USP34: variants seen among roughly 807,000 people sequenced by gnomAD.
USP34 encodes ubiquitin specific peptidase 34, also known as ubiquitin carboxyl-terminal hydrolase 34.
In USP34, 70 loss-of-function variants were observed where a neutral mutation model predicts 460.3. The ratio of observed to expected loss-of-function variants is 0.15; its 90% CI spans 0.13 to 0.19. USP34 has a LOEUF of 0.19. Ranked by LOEUF, USP34 falls within the 10% of genes least tolerant of loss-of-function variation. USP34 has a pLI of 1.00. For missense variants in USP34, 3,985 were observed against 4,236.2 expected (o/e 0.94, Z 1.65); for synonymous variants, 1,647 against 1,405.3 (o/e 1.17, Z -3.85).
intron 18 of USP34, among the ~76,000 whole-genome samples, chr2:61,337,039 C>G (rs1356292280): frequency 6.6e-6 from 1 of 151,978 alleles, no homozygotes; most frequent in Admixed American, 6.6e-5. Context: ...GTATAATAAA[C>G]ATACATACAA....
chr2:61,289,013 G>C, intron 33 of USP34, 136 bp from the exon 34 acceptor site: 2 of 861,582 alleles, frequency 2.3e-6, no homozygotes, highest in Non-Finnish European at 3.5e-6. Context: ...AAATTCTGCT[G>C]CTCAAATATT....
chr2:61,269,977 G>C (rs552327746), intron 41 of USP34, among the ~76,000 whole-genome samples: 1 of 152,146 alleles, frequency 6.6e-6, no homozygotes, highest in Non-Finnish European at 1.5e-5. Flanking sequence ...TTTAACAATA[G>C]TCATCCTACT....
In USP34 at chr2:61,335,018, G is replaced by A. The variant is rs1016514854; in HGVS notation, c.2745-1047C>T. ...TTTTAAGTGCTATAATGACCAGACA[G>A]AGTCAAAGTCATCCCAAAGCACTAA... On this transcript the variant is annotated intron_variant, in intron 18 of 79. Transcript: ENST00000398571. Among the ~76,000 whole-genome samples the A allele has an allele frequency of 4.6e-5, 7 of 151,780 alleles. No homozygotes were observed. The East Asian group carries it at 1.3e-3, about 29-fold the overall frequency.
At position 61,321,095 on chromosome 2, in the gene USP34, G is replaced by A. The variant is rs141046060; in HGVS notation, c.3014-1768C>T. Among the ~76,000 whole-genome samples the A allele has an allele frequency of 1.2e-4, 19 of 152,098 alleles. No individual in the cohort carries two copies. The East Asian group carries it at 3.1e-3, about 25-fold the overall frequency. On this transcript the variant is annotated intron_variant, in intron 21 of 79. Transcript: ENST00000398571. ...GGAGGCTGAGGTGGGAAGGCTCTTCGAGCCCAGGAGTTCAAGGCTGCCCTG... is the reference window on the plus strand; with the variant it reads ...GGAGGCTGAGGTGGGAAGGCTCTTCAAGCCCAGGAGTTCAAGGCTGCCCTG...
At chr2:61,371,073 A>T (rs1376196085) in intron 8 of USP34, among the ~76,000 whole-genome samples, 1 of 152,210 alleles carries the variant, frequency 6.6e-6, no homozygotes, top group Non-Finnish European at 1.5e-5. Flanking sequence ...GAAGTAACAG[A>T]CAGTCATGTA....
At chr2:61,214,002 A>T in intron 68 of USP34, 58 bp downstream of exon 68, 1 of 1,595,262 alleles carries the variant, frequency 6.3e-7, no homozygotes, top group Non-Finnish European at 8.5e-7. Flanking sequence ...ACCAGGGGAA[A>T]AACAGGTATT....
chr2:61,336,801 C>T (rs1474975274), intron 18 of USP34, among the ~76,000 whole-genome samples: 3 of 115,978 alleles, frequency 2.6e-5, no homozygotes, highest in African/African-American at 1.0e-4. Context: ...CTGACTGAGA[C>T]TCCATCTCAA....
In USP34 at chr2:61,405,747, T is replaced by C. The variant is rs562734925; in HGVS notation, c.513A>G (p.Leu171=). Residue 171 remains leucine (L), a synonymous_variant, in exon 3 of 80, where the codon TTA becomes TTG. Transcript: ENST00000398571. ...GAGTATTATGCTTGTAAGCAGTATATAAGGGAAACTGAATTTGAAAAATTT... is the reference window on the plus strand; with the variant it reads ...GAGTATTATGCTTGTAAGCAGTATACAAGGGAAACTGAATTTGAAAAATTT... ...VAKIFQIQFP[L]YTAYKHNTHP... is the part of the protein sequence containing the mutation. 3.8e-6 allele frequency: 6 copies of C among 1,594,366 alleles called. No individual in the cohort carries two copies. In the South Asian group the frequency reaches 4.6e-5, roughly 12 times the overall value.
At position 61,420,738 on chromosome 2, in the gene USP34, A is replaced by T. The variant is rs1694330795; in HGVS notation, c.131+8T>A. The T allele has an allele frequency of 4.4e-6, 7 of 1,589,688 alleles. No homozygotes were observed. The highest frequency in any genetic ancestry group is 6.0e-6 in the Non-Finnish European group (7 of 1,169,912). On this transcript the variant is annotated splice_region_variant and intron_variant, in intron 2 of 79. Coordinates refer to ENST00000398571, the MANE Select transcript of USP34 (RefSeq NM_014709.4). The stretch of plus-strand genomic sequence containing the variant: ...AAATTAGTCTTCGAAATACCTAAAG[A>T]TGCATACCTCTGTGTCCAGGAATTG...
At chr2:61,300,469 G>C (rs983162674) in intron 29 of USP34, among the ~76,000 whole-genome samples, 1 of 151,002 alleles carries the variant, frequency 6.6e-6, no homozygotes, top group African/African-American at 2.4e-5. Flanking sequence ...TCACAGGCGT[G>C]AGCCACCGCC....
intron 48 of USP34, among the ~76,000 whole-genome samples, chr2:61,251,011 G>T (rs370482215): frequency 6.6e-6 from 1 of 152,086 alleles, no homozygotes; most frequent in African/African-American, 2.4e-5. Context: ...GGTGGCGGGC[G>T]CCTGTAGTCC....
intron 1 of USP34, among the ~76,000 whole-genome samples, chr2:61,454,498 G>A (rs923879586): frequency 9.9e-5 from 15 of 151,828 alleles, no homozygotes; most frequent in African/African-American, 3.6e-4. Flanking sequence ...GAGTTATAGA[G>A]AAAACTTCTC....
chr2:61,333,553 A>G (rs1298533574), intron 19 of USP34, among the ~76,000 whole-genome samples: 1 of 152,110 alleles, frequency 6.6e-6, no homozygotes, highest in Non-Finnish European at 1.5e-5. Context: ...AATGGGAAAA[A>G]TTAAAGGCAT....
intron 16 of USP34, 144 bp downstream of exon 16, chr2:61,343,669 GGA>G: frequency 1.3e-6 from 1 of 772,160 alleles, no homozygotes; most frequent in Non-Finnish European, 2.0e-6. Flanking sequence ...TTCCCTTGGG[GGA>G]AAAAAAAAAA....
chr2:61,237,362 T>C (rs1688097829), intron 53 of USP34, among the ~76,000 whole-genome samples: 1 of 152,026 alleles, frequency 6.6e-6, no homozygotes, highest in Admixed American at 6.6e-5. Context: ...TGTGTCACAA[T>C]TTTTGTCCCT....
At chr2:61,223,927 G>C (rs937597011) in intron 62 of USP34, among the ~76,000 whole-genome samples, 3 of 152,142 alleles carry the variant, frequency 2.0e-5, no homozygotes, top group Non-Finnish European at 4.4e-5. Context: ...ATCAGAGCCA[G>C]TCTTGTTTCA....
intron 15 of USP34, 151 bp downstream of exon 15, chr2:61,347,719 C>G (rs938303049): frequency 2.2e-5 from 31 of 1,408,928 alleles, no homozygotes; most frequent in Non-Finnish European, 2.8e-5. Context: ...CAATAGAAAA[C>G]TTGAAATTAT....
At chr2:61,383,834 G>A (rs573136502) in intron 5 of USP34, among the ~76,000 whole-genome samples, 1 of 152,216 alleles carries the variant, frequency 6.6e-6, no homozygotes, top group East Asian at 1.9e-4. Context: ...CATGTATCAG[G>A]AAATTTAACC....
intron 1 of USP34, among the ~76,000 whole-genome samples, chr2:61,456,091 G>T (rs980470419): frequency 6.6e-6 from 1 of 152,102 alleles, no homozygotes; most frequent in African/African-American, 2.4e-5. Context: ...TTACACAAGT[G>T]TTTATGTTTT....
Sources: allele counts gnomAD v4.1 joint callset (sites outside exome capture counted in the v4.1 genomes callset), GRCh38; gene constraint gnomAD v4.1.1; transcripts MANE v1.5; gene names NCBI Gene and HGNC (gene_info 2026-07-23, HGNC 2026-07-21).